The following PCDHGA3 variants were observed in gnomAD, a reference collection of about 807,000 sequenced individuals.
PCDHGA3 encodes the protein protocadherin gamma-A3.
In PCDHGA3, 40 loss-of-function variants were observed where a neutral mutation model predicts 58.5. That is an observed-to-expected ratio of 0.68 (90% confidence interval 0.53 to 0.89). The LOEUF (loss-of-function observed/expected upper bound fraction) is 0.89, where lower values mean the gene tolerates loss of function less well. PCDHGA3 is among the 40% of genes least tolerant of loss of function. The pLI, the probability that PCDHGA3 is intolerant of heterozygous loss-of-function variation, is 0.00. For missense variants in PCDHGA3, 1,223 were observed against 1,195.9 expected (o/e 1.02, Z -0.33); for synonymous variants, 530 against 525.7 (o/e 1.01, Z -0.11).
At chr5:141,364,366 G>T (rs755664508) in intron 1 of PCDHGA3, 1 of 1,563,758 alleles carries the variant, frequency 6.4e-7, no homozygotes, top group Non-Finnish European at 8.6e-7. Flanking sequence ...GCTGCGGAGA[G>T]CTGCTGCTGC....
At chr5:141,375,593 T>A (rs922478028) in intron 1 of PCDHGA3, 5 of 1,614,142 alleles carry the variant, frequency 3.1e-6, no homozygotes, top group Non-Finnish European at 4.2e-6. Context: ...CCTGTCCTCC[T>A]ACGTGTCCAT....
At chr5:141,371,998 G>A (rs893704391) in intron 1 of PCDHGA3, 3 of 1,613,266 alleles carry the variant, frequency 1.9e-6, no homozygotes, top group Non-Finnish European at 1.7e-6. Flanking sequence ...CTGCAGGCCC[G>A]CGACCAGGGC....
In PCDHGA3 at chr5:141,505,496, T is replaced by C; in HGVS notation, c.2572+15T>C. 6.2e-7 allele frequency: 1 copy of C among 1,614,148 alleles called. No homozygotes were observed. The highest frequency in any genetic ancestry group is 8.5e-7 in the Non-Finnish European group (1 of 1,180,004). ...GTCCGCCAGTGGTAAGTGGTGTCAGTGTGTGTATGGAAGAGTGGGAGACCT... is the reference window on the plus strand; with the variant it reads ...GTCCGCCAGTGGTAAGTGGTGTCAGCGTGTGTATGGAAGAGTGGGAGACCT... On this transcript the variant is annotated intron_variant, in intron 3 of 3. Transcript: ENST00000253812.
intron 1 of PCDHGA3, chr5:141,428,189 CTCTCTGCGCCGCTACGCTTCACCTAG>C: frequency 7.0e-7 from 1 of 1,429,262 alleles, no homozygotes; most frequent in Non-Finnish European, 9.7e-7. Flanking sequence ...ACAGCCGCCG[CTCTCTGCGCCGCTACGCTTCACCTAG>C]TCTTCGCAGA....
Position 141,352,388 on chromosome 5 carries a change from C to A in PCDHGA3, c.2424+5931C>A, listed in dbSNP as rs1021854619. On this transcript the variant is annotated intron_variant, in intron 1 of 3. Coordinates refer to ENST00000253812, the MANE Select transcript of PCDHGA3 (RefSeq NM_018916.4). ...CGCGGTGATTCTAGCGATCGCCCTGCGCCTGCGACGTTCCTCCAGCCTCGA... is the reference window on the plus strand; with the variant it reads ...CGCGGTGATTCTAGCGATCGCCCTGAGCCTGCGACGTTCCTCCAGCCTCGA... The A allele has an allele frequency of 6.6e-5, 106 of 1,613,940 alleles. No homozygotes were observed. Among genetic ancestry groups the A allele is most frequent in the Middle Eastern group, 1.6e-4 (1 of 6,084 alleles).
At chr5:141,433,181 G>T (rs199507607) in intron 1 of PCDHGA3, 45 of 1,607,620 alleles carry the variant, frequency 2.8e-5, no homozygotes, top group Non-Finnish European at 3.4e-5. Context: ...TGGGTTAATT[G>T]AGGTGAGTTT....
intron 1 of PCDHGA3, chr5:141,394,844 T>C (rs2093111751): frequency 6.2e-7 from 1 of 1,613,752 alleles, no homozygotes. Context: ...AGTTGGGCAG[T>C]CTGAAGCCTT....
At chr5:141,408,070 T>C (rs1413400462) in intron 1 of PCDHGA3, 3 of 1,381,930 alleles carry the variant, frequency 2.2e-6, no homozygotes, top group Non-Finnish European at 2.9e-6. Context: ...TGCGCAGACC[T>C]TTCCCAGCAC....
At chr5:141,351,639 A>G (rs552754324) in intron 1 of PCDHGA3, 4 of 1,614,040 alleles carry the variant, frequency 2.5e-6, no homozygotes, top group African/African-American at 1.3e-5. Flanking sequence ...GTGTCTGAGA[A>G]CAACCCACCT....
intron 1 of PCDHGA3, chr5:141,403,093 C>T (rs1368239890): frequency 6.2e-7 from 1 of 1,614,072 alleles, no homozygotes; most frequent in Non-Finnish European, 8.5e-7. Flanking sequence ...TTGTGGGCAA[C>T]ATCTCCAAGG....
chr5:141,418,513 G>A (rs377653202), intron 1 of PCDHGA3: 1 of 1,613,960 alleles, frequency 6.2e-7, no homozygotes, highest in Non-Finnish European at 8.5e-7. Flanking sequence ...TAGATGGTGG[G>A]GACCCTCCCC....
intron 1 of PCDHGA3, chr5:141,410,849 CTTTT>C (rs759346998): frequency 4.9e-3 from 673 of 137,520 alleles, no homozygotes; most frequent in South Asian, 8.7e-3. Flanking sequence ...TTGTCTTTGT[CTTTT>C]TTTTTTTTTT....
chr5:141,423,969 C>G, intron 1 of PCDHGA3: 1 of 1,147,718 alleles, frequency 8.7e-7, no homozygotes, highest in Non-Finnish European at 1.1e-6. Flanking sequence ...TTTCTATTAT[C>G]AGTGTATGAG....
intron 1 of PCDHGA3, chr5:141,408,100 G>A (rs1474827605): frequency 9.7e-6 from 14 of 1,438,178 alleles, no homozygotes; most frequent in African/African-American, 1.4e-5. Context: ...CCAGCTCCGA[G>A]ACCCGGGACT....
chr5:141,374,826 G>A (rs768485677), intron 1 of PCDHGA3: 141 of 1,613,770 alleles, frequency 8.7e-5, no homozygotes, highest in Non-Finnish European at 1.1e-4. Context: ...CCTGTCTACC[G>A]TGTAAGTGTT....
chr5:141,454,898 C>T (rs1426884791), intron 1 of PCDHGA3, among the ~76,000 whole-genome samples: 1 of 147,834 alleles, frequency 6.8e-6, no homozygotes, highest in Non-Finnish European at 1.5e-5. Flanking sequence ...AGCACCGCCT[C>T]CCGGGTTCAC....
intron 1 of PCDHGA3, chr5:141,364,366 G>C: frequency 6.4e-7 from 1 of 1,563,758 alleles, no homozygotes; most frequent in Non-Finnish European, 8.6e-7. Flanking sequence ...GCTGCGGAGA[G>C]CTGCTGCTGC....
At chr5:141,472,807 G>T (rs573078292) in intron 1 of PCDHGA3, among the ~76,000 whole-genome samples, 43 of 151,782 alleles carry the variant, frequency 2.8e-4, no homozygotes, top group African/African-American at 1.0e-3. Flanking sequence ...CCAACATGGA[G>T]AAACCCCCGT....
chr5:141,425,843 G>A (rs2096898027), intron 1 of PCDHGA3, among the ~76,000 whole-genome samples: 1 of 152,118 alleles, frequency 6.6e-6, no homozygotes, highest in African/African-American at 2.4e-5. Flanking sequence ...TCTCTTTGCT[G>A]GGTTAATGAC....
Sources: allele counts gnomAD v4.1 joint callset (sites outside exome capture counted in the v4.1 genomes callset), GRCh38; gene constraint gnomAD v4.1.1; transcripts MANE v1.5; gene names NCBI Gene and HGNC (gene_info 2026-07-23, HGNC 2026-07-21).